ZMYM2: variants seen among roughly 807,000 people sequenced by gnomAD.
ZMYM2 encodes the protein zinc finger MYM-type protein 2.
A neutral mutation model predicts 162.8 loss-of-function variants in ZMYM2; 56 were observed. The ratio of observed to expected loss-of-function variants is 0.34; its 90% CI spans 0.28 to 0.43. ZMYM2 has a LOEUF of 0.43. ZMYM2 is among the 20% of genes least tolerant of loss of function. ZMYM2 has a pLI of 1.00. For missense variants in ZMYM2, 1,275 were observed against 1,621.8 expected (o/e 0.79, Z 3.67); for synonymous variants, 510 against 541.6 (o/e 0.94, Z 0.81).
chr13:19,974,380 GT>G (rs913431881), intron 2 of ZMYM2, among the ~76,000 whole-genome samples: 35 of 151,938 alleles, frequency 2.3e-4, no homozygotes, highest in African/African-American at 8.5e-4. Context: ...GCTGCATGGT[GT>G]TTTGTTGTAT....
chr13:19,918,114 CA>C, the ZMYM2 span, among the ~76,000 whole-genome samples: 1 of 152,054 alleles, frequency 6.6e-6, no homozygotes, highest in Non-Finnish European at 1.5e-5. Flanking sequence ...AATATCTCCA[CA>C]CCCTGGAAAT....
the ZMYM2 span, among the ~76,000 whole-genome samples, chr13:19,946,891 A>T: frequency 6.6e-6 from 1 of 152,188 alleles, no homozygotes; most frequent in African/African-American, 2.4e-5. Context: ...AAAGCATTTT[A>T]TATCCCATCA....
the ZMYM2 span, among the ~76,000 whole-genome samples, chr13:19,934,514 A>C: frequency 1.3e-5 from 2 of 152,202 alleles, no homozygotes; most frequent in African/African-American, 4.8e-5. Flanking sequence ...TCCTCATAAT[A>C]ATACAAGCTT....
chr13:19,947,633 A>G, the ZMYM2 span, among the ~76,000 whole-genome samples: 2 of 150,670 alleles, frequency 1.3e-5, no homozygotes, highest in African/African-American at 4.9e-5. Flanking sequence ...TAATTTTTGT[A>G]TTTTTAGTAG....
rs532081168 is a variant in ZMYM2 at position 20,068,450 on chromosome 13, A to T, written c.3453+1060A>T. 9 of 159,474 alleles carry T rather than the reference A, an allele frequency of 5.6e-5. No homozygotes were observed. The East Asian group carries it at 1.2e-3, about 21-fold the overall frequency. 9.9% of individuals were successfully genotyped at this position (159,474 alleles called of 1,614,324 possible). A position where few individuals can be genotyped will look rare whatever the true frequency, so the allele number is the denominator to read the frequency against. On this transcript the variant is annotated intron_variant, in intron 21 of 24. Transcript: ENST00000610343. ...TTACTATAGAATTGTTAATGTTTCT[A>T]AACAAGTACAGAGTGTTTACCCACA... is the stretch of plus-strand genomic sequence containing the variant.
chr13:19,871,232 AAC>A, the ZMYM2 span, among the ~76,000 whole-genome samples: 2 of 152,194 alleles, frequency 1.3e-5, no homozygotes, highest in African/African-American at 4.8e-5. Context: ...AAATTATAAT[AAC>A]ACAGAAAGTA....
the ZMYM2 span, among the ~76,000 whole-genome samples, chr13:19,886,445 G>A: frequency 6.6e-6 from 1 of 151,728 alleles, no homozygotes; most frequent in Non-Finnish European, 1.5e-5. Flanking sequence ...TTACAGGTGT[G>A]AGCCACTGCG....
the ZMYM2 span, among the ~76,000 whole-genome samples, chr13:19,869,316 TTTAAC>T: frequency 1.4e-4 from 22 of 152,340 alleles, no homozygotes; most frequent in East Asian, 4.2e-3. Flanking sequence ...GATTTCTTTT[TTTAAC>T]TTAAATTATG....
chr13:19,961,110 C>T (rs1490939033), intron 2 of ZMYM2, among the ~76,000 whole-genome samples: 1 of 149,824 alleles, frequency 6.7e-6, no homozygotes, highest in Non-Finnish European at 1.5e-5. Context: ...TAGCCCAATT[C>T]TAAGGTTTTT....
At chr13:19,867,292 G>A in the ZMYM2 span, among the ~76,000 whole-genome samples, 4 of 151,762 alleles carry the variant, frequency 2.6e-5, no homozygotes, top group East Asian at 1.9e-4. Context: ...GGAGGTTGCC[G>A]TGAGCAGAGA....
the ZMYM2 span, among the ~76,000 whole-genome samples, chr13:19,884,473 G>C: frequency 6.6e-6 from 1 of 152,068 alleles, no homozygotes; most frequent in Non-Finnish European, 1.5e-5. Flanking sequence ...AGCTACTCGG[G>C]AGGCCGAGGC....
In ZMYM2 at chr13:20,001,950, A is replaced by T. The variant is rs117244815; in HGVS notation, c.848-900A>T. On this transcript the variant is annotated intron_variant, in intron 3 of 24. Coordinates refer to ENST00000610343, the MANE Select transcript of ZMYM2 (RefSeq NM_197968.4). ...GTGTAAACATAACATTTTTTGTGAA[A>T]CCAAAAAAATTCCCATGTCTTGCTT... 8.8e-3 allele frequency among the ~76,000 whole-genome samples: 1,334 copies of T among 152,336 alleles called. 10 individuals carry two copies. The highest frequency in any genetic ancestry group is 0.014 in the Middle Eastern group (4 of 294).
intron 2 of ZMYM2, among the ~76,000 whole-genome samples, chr13:19,973,791 C>A (rs1021459576): frequency 6.6e-6 from 1 of 151,752 alleles, no homozygotes; most frequent in African/African-American, 2.4e-5. Context: ...CCTAGGAGGT[C>A]TTTTGAGTGT....
intron 2 of ZMYM2, among the ~76,000 whole-genome samples, 198 bp downstream of exon 2, chr13:19,960,224 A>G (rs936698046): frequency 2.6e-4 from 40 of 152,276 alleles, no homozygotes; most frequent in African/African-American, 9.1e-4. Context: ...CGCTGCAGAC[A>G]TCGCTCCTGC....
At chr13:20,030,517 A>G (rs975141258) in intron 9 of ZMYM2, among the ~76,000 whole-genome samples, 4 of 151,104 alleles carry the variant, frequency 2.6e-5, no homozygotes, top group Admixed American at 6.6e-5. Context: ...TCCTGCCTCA[A>G]CCTCCTGAGT....
At chr13:20,064,348 T>G (rs1434752499) in intron 18 of ZMYM2, 103 bp from the exon 19 acceptor site, 1 of 899,178 alleles carries the variant, frequency 1.1e-6, no homozygotes, top group South Asian at 2.2e-5. Flanking sequence ...ATTGTCCCCA[T>G]GTATGAATGC....
At chr13:19,935,348 G>A in the ZMYM2 span, among the ~76,000 whole-genome samples, 274 of 151,356 alleles carry the variant, frequency 1.8e-3, no homozygotes, top group Middle Eastern at 6.8e-3. Flanking sequence ...TATTGGCCAG[G>A]CTGGTCTTGA....
chr13:19,956,714 C>T (rs943073246), upstream of ZMYM2, among the ~76,000 whole-genome samples: 11 of 152,168 alleles, frequency 7.2e-5, no homozygotes, highest in African/African-American at 2.7e-4. Flanking sequence ...CTGAACAGTA[C>T]GTGGCAACCC....
intron 2 of ZMYM2, among the ~76,000 whole-genome samples, chr13:19,976,450 G>A (rs543437104): frequency 2.0e-5 from 3 of 149,956 alleles, no homozygotes; most frequent in South Asian, 2.1e-4. Flanking sequence ...CTATTTTTAC[G>A]ACTTTTAAGT....
Sources: allele counts gnomAD v4.1 joint callset (sites outside exome capture counted in the v4.1 genomes callset), GRCh38; gene constraint gnomAD v4.1.1; transcripts MANE v1.5; gene names NCBI Gene and HGNC (gene_info 2026-07-23, HGNC 2026-07-21).